CPSF2: variants seen among roughly 807,000 people sequenced by gnomAD.
CPSF2 encodes the protein cleavage and polyadenylation specific factor 2, also known as cleavage and polyadenylation specificity factor subunit 2.
CPSF2 carries 51 observed loss-of-function variants against 84.2 expected under a neutral mutation model. The ratio of observed to expected loss-of-function variants is 0.61; its 90% CI spans 0.48 to 0.77. CPSF2 has a LOEUF of 0.77. Among genes scored for constraint, CPSF2 ranks in the 30% least tolerant of loss-of-function variants. CPSF2 has a pLI of 0.00. For missense variants in CPSF2, 641 were observed against 929.4 expected, an observed-to-expected ratio of 0.69 and a Z score of 4.03; for synonymous variants, 286 against 311.9, an observed-to-expected ratio of 0.92 and a Z score of 0.87.
Position 92,140,525 on chromosome 14 carries a change from T to G in CPSF2, c.662-1639T>G, listed in dbSNP as rs533444645. Reference sequence around the variant, plus strand: ...TCGGCTCATTGCAACCTCCACCTCCTGGGTTCAGGTGGTTCTCCTGCCTCA... The same window carrying G: ...TCGGCTCATTGCAACCTCCACCTCCGGGGTTCAGGTGGTTCTCCTGCCTCA... On this transcript the variant is annotated intron_variant, in intron 7 of 15. Coordinates refer to ENST00000298875, the MANE Select transcript of CPSF2 (RefSeq NM_017437.3). 4.1e-5 allele frequency among the ~76,000 whole-genome samples: 6 copies of G among 147,332 alleles called. No homozygotes were observed. In the South Asian group the frequency reaches 1.3e-3, roughly 33 times the overall value.
chr14:92,125,338 A>G (rs1017605442), intron 1 of CPSF2, among the ~76,000 whole-genome samples: 2 of 152,204 alleles, frequency 1.3e-5, no homozygotes, highest in Non-Finnish European at 2.9e-5. Context: ...AGCATGTAGC[A>G]TTTCAAACCT....
At chr14:92,137,280 G>C (rs1228294860) in intron 6 of CPSF2, among the ~76,000 whole-genome samples, 2 of 152,020 alleles carry the variant, frequency 1.3e-5, no homozygotes, top group Non-Finnish European at 2.9e-5. Context: ...CACAATCACG[G>C]CTCACTGTAG....
rs1047322041 is a variant in CPSF2, at chr14:92,164,753, A to T, written c.*3009A>T. 1 of 152,222 alleles carries T rather than the reference A, an allele frequency of 6.6e-6. No individual in the cohort carries two copies. The highest frequency in any genetic ancestry group is 1.5e-5 in the Non-Finnish European group (1 of 68,026). The allele number at this position is 152,222 out of a possible 1,614,324, so 9.4% of individuals were successfully genotyped here. A position where few individuals can be genotyped will look rare whatever the true frequency, so the allele number is the denominator to read the frequency against. On this transcript the variant is annotated 3_prime_UTR_variant, in exon 16 of 16. Coordinates refer to ENST00000298875, the MANE Select transcript of CPSF2 (RefSeq NM_017437.3). ...GGAAATCAATTTTTTAAGGTGAGCCATTTGGCTTTTTTAAAAAATTGAGAT... is the reference window on the plus strand; with the variant it reads ...GGAAATCAATTTTTTAAGGTGAGCCTTTTGGCTTTTTTAAAAAATTGAGAT...
rs1484073508 is a variant in CPSF2 at position 92,131,126 on chromosome 14, CTGAGGAA to C, written c.143_149del (p.Leu48ArgfsTer31). ...CTTTTCTATGGATATTATTGATTCC[CTGAGGAA>C]GTAAGTTACATTTCATAATTCTATG... is the stretch of plus-strand genomic sequence containing the variant. On this transcript the variant is annotated frameshift_variant and splice_region_variant, in exon 3 of 16. Coordinates refer to ENST00000298875, the MANE Select transcript of CPSF2 (RefSeq NM_017437.3). LOFTEE classifies it high-confidence loss of function. The C allele has an allele frequency of 6.2e-7, 1 of 1,600,404 alleles. No individual in the cohort carries two copies. The highest frequency in any genetic ancestry group is 8.5e-7 in the Non-Finnish European group (1 of 1,175,226).
intron 3 of CPSF2, among the ~76,000 whole-genome samples, chr14:92,133,101 A>G (rs1031074595): frequency 4.0e-5 from 6 of 151,364 alleles, no homozygotes; most frequent in Admixed American, 2.6e-4. Context: ...AAAAGAAAAA[A>G]AATAGTATGC....
rs764524293 is a variant in CPSF2, at chr14:92,152,428, CTAT to C, written c.1141-1918_1141-1916del. 1.5e-3 allele frequency among the ~76,000 whole-genome samples: 226 copies of C among 149,698 alleles called. 2 individuals carry two copies. Among genetic ancestry groups the C allele is most frequent in the African/African-American group, 5.3e-3 (216 of 40,614 alleles). ...ACAGGTGTGAGCCGTCGCGCCCGGC[CTAT>C]TATTATTATTAATTTATTTATTTTT... On this transcript the variant is annotated intron_variant, in intron 9 of 15. Transcript: ENST00000298875.
At position 92,150,016 on chromosome 14, in the gene CPSF2, C is replaced by T. The variant is rs949362400; in HGVS notation, c.1141-4342C>T. ...ATGGGAAGTATTAATAAAGAATTTG[C>T]GTTGTGTACTAAAGTACAATGGCTA... On this transcript the variant is annotated intron_variant, in intron 9 of 15. Transcript: ENST00000298875. Among the ~76,000 whole-genome samples the T allele has an allele frequency of 4.9e-4, 75 of 152,080 alleles. 1 individual carries two copies. The highest frequency in any genetic ancestry group is 1.7e-3 in the African/African-American group (69 of 41,454).
rs993884863 is a variant in CPSF2, at chr14:92,170,973, G to T, written c.*9229G>T. 6.6e-6 allele frequency: 1 copy of T among 152,184 alleles called. No homozygotes were observed. The highest frequency in any genetic ancestry group is 1.5e-5 in the Non-Finnish European group (1 of 68,028). 9.4% of individuals were successfully genotyped at this position (152,184 alleles called of 1,614,324 possible). ...TTGGTATATGTATCCATAGTGAAAT[G>T]ATTATTACAGGTATTAATTAATGAG... On this transcript the variant is annotated 3_prime_UTR_variant, in exon 16 of 16. Coordinates refer to ENST00000298875, the MANE Select transcript of CPSF2 (RefSeq NM_017437.3).
At chr14:92,148,826 T>G (rs1246131030) in intron 9 of CPSF2, among the ~76,000 whole-genome samples, 6 of 150,956 alleles carry the variant, frequency 4.0e-5, no homozygotes, top group South Asian at 2.1e-4. Flanking sequence ...GAGAGAGAGA[T>G]GGGACCAAAT....
chr14:92,136,745 G>A (rs2069005074), intron 6 of CPSF2, among the ~76,000 whole-genome samples: 2 of 152,074 alleles, frequency 1.3e-5, no homozygotes, highest in South Asian at 4.1e-4. Context: ...CCTTCGTTCA[G>A]TCTCGTAGTA....
chr14:92,150,107 A>G lies in CPSF2; in HGVS notation c.1141-4251A>G, dbSNP rs942987900. ...TTAAACTAGCCACTTTTTTCTGGGA[A>G]CACCTTTTTTTTGTTGGTATTTTTT... is the stretch of plus-strand genomic sequence containing the variant. On this transcript the variant is annotated intron_variant, in intron 9 of 15. Transcript: ENST00000298875. Among the ~76,000 whole-genome samples, 5 of 147,934 alleles carry G rather than the reference A, an allele frequency of 3.4e-5. No homozygotes were observed. In the South Asian group the frequency reaches 8.6e-4, roughly 26 times the overall value.
At position 92,155,959 on chromosome 14, in the gene CPSF2, A is replaced by G. The variant is rs147407745; in HGVS notation, c.1443-520A>G. Among the ~76,000 whole-genome samples, 47 of 152,160 alleles carry G rather than the reference A, an allele frequency of 3.1e-4. No homozygotes were observed. The East Asian group carries it at 6.4e-3, about 21-fold the overall frequency. ...ATCACATGTTGTAATTGCAAATTTG[A>G]AAACACTACTATCCTGTGTGGAAAA... is the stretch of plus-strand genomic sequence containing the variant. On this transcript the variant is annotated intron_variant, in intron 11 of 15. Transcript: ENST00000298875.
rs762454153 is a variant in CPSF2 at position 92,133,974 on chromosome 14, G to A, written c.150-37G>A. 13 of 1,606,658 alleles carry A rather than the reference G, an allele frequency of 8.1e-6. No individual in the cohort carries two copies. The East Asian group carries it at 2.9e-4, about 36-fold the overall frequency. On this transcript the variant is annotated intron_variant, in intron 3 of 15. Transcript: ENST00000298875. ...AATATTCTGTCTTTACCCTTAAAAA[G>A]ATTCAAGAAGTAGTCCTTTGGATTG...
Position 92,131,151 on chromosome 14 carries a change from A to G in CPSF2, c.149+18A>G, listed in dbSNP as rs751484576. On this transcript the variant is annotated intron_variant, in intron 3 of 15. Coordinates refer to ENST00000298875, the MANE Select transcript of CPSF2 (RefSeq NM_017437.3). ...CTGAGGAAGTAAGTTACATTTCATA[A>G]TTCTATGTTTTTATTAAATCAACTT... 1.3e-6 allele frequency: 2 copies of G among 1,576,970 alleles called. No homozygotes were observed. Among genetic ancestry groups the G allele is most frequent in the Non-Finnish European group, 1.7e-6 (2 of 1,157,556 alleles).
rs755284631 is a variant in CPSF2, at chr14:92,157,664, G to A, written c.1601G>A (p.Arg534Gln). ...ATAATCATATCTAATTACAGAGCCC[G>A]GGTTACCTACATAGACTATGAAGGA... ...STTESIEIKARVTYIDYEGRS... is the reference protein window; with the variant it reads ...STTESIEIKAQVTYIDYEGRS... The change falls in exon 13 of 16, where the codon CGG becomes CAG. Residue 534 changes from arginine to glutamine, a missense_variant. This residue lies in a region of CPSF2 where 430 missense variants were observed against 553.6 expected (regional missense o/e 0.78). Transcript: ENST00000298875. The surrounding 1 kb of genome is among the most constrained non-coding windows in gnomAD (Gnocchi z 4.0). 33 of 1,612,034 alleles carry A rather than the reference G, an allele frequency of 2.0e-5. No individual in the cohort carries two copies. The highest frequency in any genetic ancestry group is 4.5e-5 in the East Asian group (2 of 44,876).
chr14:92,131,098 G>A lies in CPSF2; in HGVS notation c.114G>A (p.Glu38=), dbSNP rs1409171610. The change falls in exon 3 of 16, where the codon GAG becomes GAA. Residue 38 remains glutamate (E), a synonymous_variant. Coordinates refer to ENST00000298875, the MANE Select transcript of CPSF2 (RefSeq NM_017437.3). ...TTTTATTGGACTGTGGCTGGGATGAGCACTTTTCTATGGATATTATTGATT... is the reference window on the plus strand; with the variant it reads ...TTTTATTGGACTGTGGCTGGGATGAACACTTTTCTATGGATATTATTGATT... ...FRFLLDCGWD[E]HFSMDIIDSL... is the part of the protein sequence containing the mutation. 6.2e-7 allele frequency: 1 copy of A among 1,611,450 alleles called. No individual in the cohort carries two copies. Among genetic ancestry groups the A allele is most frequent in the Non-Finnish European group, 8.5e-7 (1 of 1,179,034 alleles).
At chr14:92,127,582 T>C (rs779462244) in intron 2 of CPSF2, among the ~76,000 whole-genome samples, 4 of 152,286 alleles carry the variant, frequency 2.6e-5, no homozygotes, top group Non-Finnish European at 5.9e-5. Flanking sequence ...CCAAAAATGA[T>C]GTAGTGGTTG....
Position 92,171,645 on chromosome 14 carries a change from A to T in CPSF2, c.*9901A>T, listed in dbSNP as rs1192710585. 6.6e-6 allele frequency: 1 copy of T among 152,174 alleles called. No homozygotes were observed. Among genetic ancestry groups the T allele is most frequent in the African/African-American group, 2.4e-5 (1 of 41,420 alleles). 9.4% of individuals were successfully genotyped at this position (152,174 alleles called of 1,614,324 possible). On this transcript the variant is annotated 3_prime_UTR_variant, in exon 16 of 16. Coordinates refer to ENST00000298875, the MANE Select transcript of CPSF2 (RefSeq NM_017437.3). ...GATCCGGATGCTAAAGGCTGTGCTC[A>T]TTGCCCCTGTGCTAGCATTGCCACT...
intron 10 of CPSF2, 39 bp downstream of exon 10, chr14:92,154,497 A>C (rs1029040018): frequency 7.3e-6 from 10 of 1,370,516 alleles, no homozygotes; most frequent in Non-Finnish European, 1.0e-5. Context: ...TTATGGATGC[A>C]ATTTGAGAAG....
Sources: allele counts gnomAD v4.1 joint callset (sites outside exome capture counted in the v4.1 genomes callset), GRCh38; gene constraint gnomAD v4.1.1; regional missense constraint gnomAD v4.1.1; non-coding constraint Gnocchi (gnomAD v3.1); transcripts MANE v1.5; gene names NCBI Gene and HGNC (gene_info 2026-07-23, HGNC 2026-07-21).